The following RBM26 variants were observed in gnomAD, a reference collection of about 807,000 sequenced individuals.
RBM26 encodes the protein RNA binding motif protein 26.
RBM26 carries 30 observed loss-of-function variants against 123.6 expected under a neutral mutation model. The ratio of observed to expected loss-of-function variants is 0.24; its 90% CI spans 0.18 to 0.33. The LOEUF (loss-of-function observed/expected upper bound fraction) is 0.33, where lower values mean the gene tolerates loss of function less well. RBM26 is among the 10% of genes least tolerant of loss of function. The probability of loss-of-function intolerance (pLI) is 1.00; values close to 1 mark genes in which losing one functional copy is unlikely to be tolerated. For synonymous variants in RBM26, 400 were observed against 404.4 expected (o/e 0.99, Z 0.13); for missense variants, 947 against 1,203.6 (o/e 0.79, Z 3.15).
At chr13:79,343,548 A>T (rs931440037) in intron 16 of RBM26, among the ~76,000 whole-genome samples, 9 of 151,902 alleles carry the variant, frequency 5.9e-5, no homozygotes, top group South Asian at 2.1e-4. Context: ...CATACTACTA[A>T]CCTTCATTAC....
intron 14 of RBM26, among the ~76,000 whole-genome samples, chr13:79,351,151 T>C (rs1371581636): frequency 5.3e-5 from 8 of 152,266 alleles, no homozygotes; most frequent in Middle Eastern, 3.4e-3. Flanking sequence ...AAAAATTTTA[T>C]AAAAGCTATG....
chr13:79,349,500 T>C (rs1387564793), intron 14 of RBM26, among the ~76,000 whole-genome samples: 3 of 152,214 alleles, frequency 2.0e-5, no homozygotes, highest in East Asian at 3.9e-4. Context: ...GTAAAAAATA[T>C]GTACAGCTAG....
At chr13:79,332,952 G>A (rs1297887103) in intron 20 of RBM26, among the ~76,000 whole-genome samples, 1 of 151,966 alleles carries the variant, frequency 6.6e-6, no homozygotes, top group African/African-American at 2.4e-5. Flanking sequence ...CACAAATTTG[G>A]CAATATCTGA....
intron 3 of RBM26, among the ~76,000 whole-genome samples, chr13:79,375,340 T>A (rs1242810935): frequency 6.6e-6 from 1 of 151,416 alleles, no homozygotes; most frequent in Non-Finnish European, 1.5e-5. Context: ...GCCTGGCTAA[T>A]TTTTGTTTTT....
At chr13:79,314,880 A>C, downstream of RBM26, 2 of 739,092 alleles carry the variant, frequency 2.7e-6, no homozygotes, top group Non-Finnish European at 2.0e-6. Flanking sequence ...CAAATTGATA[A>C]AGAGTGAACA....
chr13:79,357,195 A>G (rs759818152), intron 11 of RBM26, among the ~76,000 whole-genome samples: 4 of 152,128 alleles, frequency 2.6e-5, no homozygotes, highest in Non-Finnish European at 5.9e-5. Context: ...TTCTATGTAT[A>G]TATCTCTGTT....
intron 21 of RBM26, among the ~76,000 whole-genome samples, chr13:79,321,679 G>T (rs1391563218): frequency 6.6e-6 from 1 of 151,202 alleles, no homozygotes; most frequent in African/African-American, 2.4e-5. Context: ...TATATTACCA[G>T]CTCCAGTTCT....
At chr13:79,381,486 C>T (rs981450985) in intron 1 of RBM26, among the ~76,000 whole-genome samples, 6 of 151,902 alleles carry the variant, frequency 3.9e-5, no homozygotes, top group Admixed American at 1.3e-4. Flanking sequence ...TCAGTCTACA[C>T]TGAGTCTAAA....
chr13:79,375,738 T>C (rs1178435161), intron 3 of RBM26, among the ~76,000 whole-genome samples: 1 of 152,056 alleles, frequency 6.6e-6, no homozygotes, highest in East Asian at 1.9e-4. Context: ...AATATACATG[T>C]GTGTAAATAT....
intron 1 of RBM26, among the ~76,000 whole-genome samples, chr13:79,394,411 T>C (rs929570644): frequency 1.3e-5 from 2 of 152,144 alleles, no homozygotes; most frequent in Non-Finnish European, 2.9e-5. Context: ...CTCTAGAGGT[T>C]ACTACTTTCT....
intron 1 of RBM26, among the ~76,000 whole-genome samples, chr13:79,391,646 A>C (rs1260008721): frequency 6.6e-6 from 1 of 151,884 alleles, no homozygotes; most frequent in Non-Finnish European, 1.5e-5. Context: ...CTGGTCTCGA[A>C]CTCTTGAACT....
Position 79,320,425 on chromosome 13 carries a change from AC to A in RBM26, c.*195del. The stretch of plus-strand genomic sequence containing the variant: ...AGTGTGATGTCTTTAGCAATTGTTT[AC>A]TGAAGTAAAATGCAAACATCAATCT... On this transcript the variant is annotated 3_prime_UTR_variant, in exon 22 of 22. Transcript: ENST00000438737. 4 of 1,229,390 alleles carry A rather than the reference AC, an allele frequency of 3.3e-6. No individual in the cohort carries two copies. The highest frequency in any genetic ancestry group is 4.1e-6 in the Non-Finnish European group (4 of 981,046). The allele number at this position is 1,229,390 out of a possible 1,614,324, so 76.2% of individuals were successfully genotyped here. A position where few individuals can be genotyped will look rare whatever the true frequency, so the allele number is the denominator to read the frequency against.
chr13:79,313,841 A>G (rs1218616762), exon 5 of RBM26: 2 of 150,042 alleles, frequency 1.3e-5, no homozygotes, highest in Non-Finnish European at 3.0e-5. Context: ...ACTCAAGGGG[A>G]AAAAAAGTTT....
chr13:79,370,004 A>C lies in RBM26; in HGVS notation c.634+941T>G, dbSNP rs145870014. On this transcript the variant is annotated intron_variant, in intron 5 of 21. Coordinates refer to ENST00000438737, the MANE Select transcript of RBM26 (RefSeq NM_001366735.2). ...CTGGCTTTGCTCTCTGTCATCACAGATTAGTTTGCATTTTTAAAAACTAGT... is the reference window on the plus strand; with the variant it reads ...CTGGCTTTGCTCTCTGTCATCACAGCTTAGTTTGCATTTTTAAAAACTAGT... Among the ~76,000 whole-genome samples the C allele has an allele frequency of 4.6e-5, 7 of 152,260 alleles. No homozygotes were observed. In the East Asian group the frequency reaches 1.4e-3, roughly 29 times the overall value.
intron 1 of RBM26, among the ~76,000 whole-genome samples, chr13:79,394,805 T>C (rs1264868149): frequency 6.6e-6 from 1 of 152,158 alleles, no homozygotes; most frequent in African/African-American, 2.4e-5. Flanking sequence ...GGCTAATTTT[T>C]GTACTTTTAG....
At chr13:79,334,759 T>A (rs903678895) in intron 19 of RBM26, among the ~76,000 whole-genome samples, 2 of 152,036 alleles carry the variant, frequency 1.3e-5, no homozygotes, top group Non-Finnish European at 2.9e-5. Flanking sequence ...ACTAAACCAA[T>A]CCCAAGATAA....
chr13:79,366,509 C>A, intron 7 of RBM26, 124 bp downstream of exon 7: 1 of 978,302 alleles, frequency 1.0e-6, no homozygotes, highest in Non-Finnish European at 1.5e-6. Context: ...AAGTATACTG[C>A]TATTAATTTC....
At chr13:79,314,983 A>T, downstream of RBM26, 3 of 1,301,516 alleles carry the variant, frequency 2.3e-6, no homozygotes, top group Non-Finnish European at 3.0e-6. Context: ...GGCAATGATG[A>T]TCTCTCTCTG....
intron 3 of RBM26, among the ~76,000 whole-genome samples, chr13:79,375,376 G>A (rs887622396): frequency 2.6e-5 from 4 of 151,624 alleles, no homozygotes; most frequent in South Asian, 2.1e-4. Flanking sequence ...TCACCATATT[G>A]GCCAAGCTGG....
Sources: gnomAD v4.1 joint callset for allele counts (sites outside exome capture counted in the v4.1 genomes callset) on GRCh38, gnomAD v4.1.1 for gene constraint, MANE v1.5 for transcripts, NCBI Gene and HGNC (gene_info 2026-07-23, HGNC 2026-07-21) for gene names.